Variants in SLC22A11 observed in about 807,000 individuals in gnomAD.
The protein encoded by SLC22A11 is organic anion transporter 4.
SLC22A11 carries 42 observed loss-of-function variants against 49.4 expected under a neutral mutation model. The observed-to-expected ratio is 0.85, with a 90% CI of 0.66 to 1.10. The LOEUF (loss-of-function observed/expected upper bound fraction) is 1.10, where lower values mean the gene tolerates loss of function less well. SLC22A11 is among the 50% of genes least tolerant of loss of function. The pLI is 0.00. For synonymous variants in SLC22A11, 304 were observed against 315.8 expected, an observed-to-expected ratio of 0.96 and a Z score of 0.40; for missense variants, 685 against 731.6, an observed-to-expected ratio of 0.94 and a Z score of 0.74.
Position 64,571,023 on chromosome 11 carries a change from T to C in SLC22A11, c.1634T>C (p.Val545Ala). 6.2e-7 allele frequency: 1 copy of C among 1,614,222 alleles called. No homozygotes were observed. The highest frequency in any genetic ancestry group is 8.5e-7 in the Non-Finnish European group (1 of 1,180,044). The change falls in exon 10 of 10, where the codon GTG becomes GCG. Residue 545 changes from valine to alanine, a missense_variant. Transcript: ENST00000301891. Reference sequence around the variant, plus strand: ...GGCAACCGGCAAGAGGCCGTCACTGTGGAAAGTACCTCGCTCTAGAAATTG... The same window carrying C: ...GGCAACCGGCAAGAGGCCGTCACTGCGGAAAGTACCTCGCTCTAGAAATTG... ...AQGNRQEAVT[V>A]ESTSL
At chr11:64,568,370 C>CAA (rs1320777597) in intron 7 of SLC22A11, among the ~76,000 whole-genome samples, 1 of 152,202 alleles carries the variant, frequency 6.6e-6, no homozygotes, top group East Asian at 1.9e-4. Context: ...AGAGGCATCT[C>CAA]GGGACCCTAG....
chr11:64,565,795 G>T lies in SLC22A11; in HGVS notation c.1058+458G>T. ...CCCCACTTCACTGATGGGGAAAGAG[G>T]ATCCCAGAGGGGTAAGGAACAAGCC... On this transcript the variant is annotated intron_variant, in intron 6 of 9. Transcript: ENST00000301891. This position sits in a 1 kb window ranked among gnomAD's most constrained non-coding sequence, Gnocchi z 4.1. The T allele has an allele frequency of 2.9e-6, 1 of 340,824 alleles. No homozygotes were observed. Among genetic ancestry groups the T allele is most frequent in the Non-Finnish European group, 5.9e-6 (1 of 170,470 alleles). 21.1% of individuals were successfully genotyped at this position (340,824 alleles called of 1,614,324 possible). A position where few individuals can be genotyped will look rare whatever the true frequency, so the allele number is the denominator to read the frequency against.
At chr11:64,563,042 G>A (rs2135422813) in intron 4 of SLC22A11, among the ~76,000 whole-genome samples, 1 of 152,278 alleles carries the variant, frequency 6.6e-6, no homozygotes, top group Admixed American at 6.5e-5. Flanking sequence ...ATCCCTCCTT[G>A]GGTTGGCACT....
chr11:64,568,607 C>A, intron 7 of SLC22A11, 63 bp from the exon 8 acceptor site: 3 of 1,403,430 alleles, frequency 2.1e-6, no homozygotes, highest in Non-Finnish European at 3.0e-6. Context: ...GCTGGCCGCA[C>A]ACTGACTAGC....
chr11:64,556,281 G>T lies in SLC22A11; in HGVS notation c.282G>T (p.Gln94His), dbSNP rs199622760. The change falls in exon 1 of 10, where the codon CAG becomes CAT. Residue 94 changes from glutamine to histidine, a missense_variant. Coordinates refer to ENST00000301891, the MANE Select transcript of SLC22A11 (RefSeq NM_018484.4). ...QCRRFRQPQW[Q>H]LLDPNATATS... ...GCCGCTTCCGCCAGCCACAGTGGCA[G>T]CTCTTGGACCCCAATGCCACGGCCA... 6.2e-7 allele frequency: 1 copy of T among 1,613,918 alleles called. No individual in the cohort carries two copies. Among genetic ancestry groups the T allele is most frequent in the South Asian group, 1.1e-5 (1 of 91,084 alleles).
At chr11:64,556,539 T>C in intron 1 of SLC22A11, 147 bp downstream of exon 1, 1 of 1,314,624 alleles carries the variant, frequency 7.6e-7, no homozygotes, top group Non-Finnish European at 1.0e-6. Flanking sequence ...CACAGGGGAG[T>C]GGGCGGCAGG....
rs35789932 is a variant in SLC22A11, at chr11:64,561,602, A to AATTTATTT, written c.498-360_498-353dup. Among the ~76,000 whole-genome samples, 76 of 144,964 alleles carry AATTTATTT rather than the reference A, an allele frequency of 5.2e-4. 1 individual carries two copies. Among genetic ancestry groups the AATTTATTT allele is most frequent in the Admixed American group, 1.5e-3 (21 of 14,338 alleles). On this transcript the variant is annotated intron_variant, in intron 2 of 9. Coordinates refer to ENST00000301891, the MANE Select transcript of SLC22A11 (RefSeq NM_018484.4). ...TAGCTGGGACCGCAGACACCTGGCT[A>AATTTATTT]ATTTATTTATTTATTTATTTATTTA...
intron 6 of SLC22A11, 85 bp from the exon 7 acceptor site, chr11:64,567,514 G>A: frequency 4.6e-6 from 6 of 1,311,088 alleles, no homozygotes; most frequent in South Asian, 2.6e-5. Context: ...TGTCCTCCCA[G>A]GCAGCTCCTG....
At position 64,571,064 on chromosome 11, in the gene SLC22A11, C is replaced by T; in HGVS notation, c.*22C>T. On this transcript the variant is annotated 3_prime_UTR_variant, in exon 10 of 10. Transcript: ENST00000301891. ...CTAGAAATTGTGCCTGCATGGAGCC[C>T]CTTTAGTCAAAGACTCCTGGAAAGG... The T allele has an allele frequency of 6.2e-7, 1 of 1,613,890 alleles. No homozygotes were observed. Among genetic ancestry groups the T allele is most frequent in the Non-Finnish European group, 8.5e-7 (1 of 1,179,784 alleles).
At chr11:64,558,201 T>C (rs1340900207) in intron 1 of SLC22A11, among the ~76,000 whole-genome samples, 3 of 152,190 alleles carry the variant, frequency 2.0e-5, no homozygotes, top group South Asian at 2.1e-4. Context: ...TTCCAAAGTG[T>C]TGGGATTACA....
At chr11:64,566,799 GC>G (rs1218769227) in intron 6 of SLC22A11, 1 of 152,254 alleles carries the variant, frequency 6.6e-6, no homozygotes, top group African/African-American at 2.4e-5. Flanking sequence ...GCTGGGAGGA[GC>G]ATCTGGGTTA....
rs1241035603 is a variant in SLC22A11, at chr11:64,565,738, G to A, written c.1058+401G>A. The A allele has an allele frequency of 2.8e-6, 1 of 355,670 alleles. No individual in the cohort carries two copies. Among genetic ancestry groups the A allele is most frequent in the African/African-American group, 2.1e-5 (1 of 46,814 alleles). 22.0% of individuals were successfully genotyped at this position (355,670 alleles called of 1,614,324 possible). A position where few individuals can be genotyped will look rare whatever the true frequency, so the allele number is the denominator to read the frequency against. Reference sequence around the variant, plus strand: ...GAGACCATGGCCATGCTCCTAGAGGGTGAACCTGCATTCGCTGACCCCTCC... The same window carrying A: ...GAGACCATGGCCATGCTCCTAGAGGATGAACCTGCATTCGCTGACCCCTCC... On this transcript the variant is annotated intron_variant, in intron 6 of 9. Transcript: ENST00000301891. The surrounding 1 kb of genome is among the most constrained non-coding windows in gnomAD (Gnocchi z 4.1).
chr11:64,568,946 A>T (rs2038667234), intron 8 of SLC22A11, among the ~76,000 whole-genome samples, 168 bp downstream of exon 8: 1 of 152,222 alleles, frequency 6.6e-6, no homozygotes, highest in South Asian at 2.1e-4. Context: ...GAAGCAGTAC[A>T]GTAGAGCCCT....
rs533397566 is a variant in SLC22A11 at position 64,558,491 on chromosome 11, A to T, written c.394-644A>T. On this transcript the variant is annotated intron_variant, in intron 1 of 9. Coordinates refer to ENST00000301891, the MANE Select transcript of SLC22A11 (RefSeq NM_018484.4). ...GTGTGGGGTGTTCAGGCAATGGATG[A>T]CTGGTCCTGGGCTGAAGCCACTGTA... Among the ~76,000 whole-genome samples, 157 of 152,230 alleles carry T rather than the reference A, an allele frequency of 1.0e-3. 4 individuals carry two copies. In the South Asian group the frequency reaches 0.032, roughly 31 times the overall value.
Position 64,565,210 on chromosome 11 carries a change from T to C in SLC22A11, c.943-12T>C. On this transcript the variant is annotated splice_polypyrimidine_tract_variant and intron_variant, in intron 5 of 9. Transcript: ENST00000301891. The surrounding 1 kb of genome is among the most constrained non-coding windows in gnomAD (Gnocchi z 4.1). ...GCCCTACCATTCACGGTGCCCCCATTCTCCCCGGAAGGTGCTGATGTCCAG... is the reference window on the plus strand; with the variant it reads ...GCCCTACCATTCACGGTGCCCCCATCCTCCCCGGAAGGTGCTGATGTCCAG... The C allele has an allele frequency of 1.3e-6, 2 of 1,519,860 alleles. No individual in the cohort carries two copies. Among genetic ancestry groups the C allele is most frequent in the Non-Finnish European group, 1.8e-6 (2 of 1,127,354 alleles). 94.1% of individuals were successfully genotyped at this position (1,519,860 alleles called of 1,614,324 possible).
chr11:64,565,521 G>A lies in SLC22A11; in HGVS notation c.1058+184G>A. 1 of 666,626 alleles carries A rather than the reference G, an allele frequency of 1.5e-6. No homozygotes were observed. The highest frequency in any genetic ancestry group is 2.8e-6 in the Non-Finnish European group (1 of 363,148). The allele number at this position is 666,626 out of a possible 1,614,324, so 41.3% of individuals were successfully genotyped here. A position where few individuals can be genotyped will look rare whatever the true frequency, so the allele number is the denominator to read the frequency against. On this transcript the variant is annotated intron_variant, in intron 6 of 9. Transcript: ENST00000301891. This position sits in a 1 kb window ranked among gnomAD's most constrained non-coding sequence, Gnocchi z 4.1. ...GGAGTCCTGGCAGGCAGCAGAGAGG[G>A]ACTATGCACAGGTGGGATCTGGAGG...
At chr11:64,567,031 G>A (rs1414822379) in intron 6 of SLC22A11, among the ~76,000 whole-genome samples, 5 of 152,046 alleles carry the variant, frequency 3.3e-5, no homozygotes. Flanking sequence ...CAGCCCCTGG[G>A]AGCGTGGGAG....
Position 64,564,222 on chromosome 11 carries a change from G to A in SLC22A11, c.822-86G>A, listed in dbSNP as rs2038590879. 3 of 1,530,208 alleles carry A rather than the reference G, an allele frequency of 2.0e-6. No homozygotes were observed. The highest frequency in any genetic ancestry group is 1.8e-6 in the Non-Finnish European group (2 of 1,119,760). 94.8% of individuals were successfully genotyped at this position (1,530,208 alleles called of 1,614,324 possible). ...GCTTCCTCATCACTCATCTCAGCTGGAGGGTCCGTGCCCACTGCCCCTTTC... is the reference window on the plus strand; with the variant it reads ...GCTTCCTCATCACTCATCTCAGCTGAAGGGTCCGTGCCCACTGCCCCTTTC... On this transcript the variant is annotated intron_variant, in intron 4 of 9. Coordinates refer to ENST00000301891, the MANE Select transcript of SLC22A11 (RefSeq NM_018484.4). The surrounding 1 kb of genome is among the most constrained non-coding windows in gnomAD (Gnocchi z 4.2).
intron 7 of SLC22A11, 58 bp downstream of exon 7, chr11:64,567,871 C>A: frequency 2.7e-6 from 4 of 1,498,668 alleles, no homozygotes; most frequent in Non-Finnish European, 3.6e-6. Context: ...CACCCCACTG[C>A]TCTGAGCGTG....
Sources: gnomAD v4.1 joint callset for allele counts (sites outside exome capture counted in the v4.1 genomes callset) on GRCh38, gnomAD v4.1.1 for gene constraint, Gnocchi (gnomAD v3.1) non-coding constraint, MANE v1.5 for transcripts, NCBI Gene and HGNC (gene_info 2026-07-23, HGNC 2026-07-21) for gene names.